Variants in DIP2B observed in about 807,000 individuals in gnomAD.
DIP2B encodes disco-interacting protein 2 homolog B.
In DIP2B, 76 loss-of-function variants were observed where a neutral mutation model predicts 198.0. The observed-to-expected ratio is 0.38, with a 90% CI of 0.32 to 0.46. DIP2B has a LOEUF of 0.46. DIP2B is among the 20% of genes least tolerant of loss of function. DIP2B has a pLI of 0.99. For missense variants in DIP2B, 1,559 were observed against 1,978.4 expected, an observed-to-expected ratio of 0.79 and a Z score of 4.02; for synonymous variants, 701 against 739.1, an observed-to-expected ratio of 0.95 and a Z score of 0.84.
rs778938392 is a variant in DIP2B, at chr12:50,675,463, A to G, written c.916+15A>G. On this transcript the variant is annotated intron_variant, in intron 7 of 37. Coordinates refer to ENST00000301180, the MANE Select transcript of DIP2B (RefSeq NM_173602.3). ...AATTGTGGAAGGTAGTAGTAAAAAT[A>G]CCAAAAACATATATTCATTAAATAA... 2 of 1,611,124 alleles carry G rather than the reference A, an allele frequency of 1.2e-6. No homozygotes were observed. The highest frequency in any genetic ancestry group is 2.2e-5 in the East Asian group (1 of 44,762).
At chr12:50,540,049 C>CTG in intron 1 of DIP2B, among the ~76,000 whole-genome samples, 2 of 20,296 alleles carry the variant, frequency 9.9e-5, no homozygotes, top group Non-Finnish European at 9.8e-5. Context: ...TTAGTTGTTT[C>CTG]TGTGTTTTTT....
chr12:50,655,991 C>G (rs1214678865), intron 3 of DIP2B, among the ~76,000 whole-genome samples: 1 of 151,840 alleles, frequency 6.6e-6, no homozygotes, highest in Non-Finnish European at 1.5e-5. Flanking sequence ...AAAAAATAAA[C>G]AATTTTTAAA....
chr12:50,540,865 A>G (rs911513490), intron 1 of DIP2B, among the ~76,000 whole-genome samples: 3 of 151,994 alleles, frequency 2.0e-5, no homozygotes, highest in Non-Finnish European at 2.9e-5. Context: ...ATAGTTATTC[A>G]TATTAAAAAT....
rs1565835033 is a variant in DIP2B at position 50,588,813 on chromosome 12, CT to C, written c.101-37162del. 3.9e-5 allele frequency among the ~76,000 whole-genome samples: 6 copies of C among 152,254 alleles called. No individual in the cohort carries two copies. In the South Asian group the frequency reaches 6.2e-4, roughly 16 times the overall value. Reference sequence around the variant, plus strand: ...ATGAAGTGACATGTAAGAGAAAAATCTCTTAATTTCCAGAATTTATATTTGC... The same window carrying C: ...ATGAAGTGACATGTAAGAGAAAAATCCTTAATTTCCAGAATTTATATTTGC... On this transcript the variant is annotated intron_variant, in intron 1 of 37. Transcript: ENST00000301180.
intron 1 of DIP2B, among the ~76,000 whole-genome samples, chr12:50,527,925 C>T: frequency 6.9e-6 from 1 of 145,714 alleles, no homozygotes; most frequent in African/African-American, 2.5e-5. Flanking sequence ...ATGGAAATTC[C>T]TTCTGTTTTT....
At chr12:50,608,956 A>G (rs1959008150) in intron 1 of DIP2B, among the ~76,000 whole-genome samples, 1 of 152,136 alleles carries the variant, frequency 6.6e-6, no homozygotes, top group Admixed American at 6.5e-5. Flanking sequence ...AGCCTGGCCA[A>G]TATGGTGAAA....
At chr12:50,571,550 T>A (rs1958614249) in intron 1 of DIP2B, among the ~76,000 whole-genome samples, 1 of 58,048 alleles carries the variant, frequency 1.7e-5, no homozygotes, top group African/African-American at 1.0e-4. Context: ...ACCTAGGCGT[T>A]TTTTTTTTTT....
chr12:50,740,440 G>A (rs1308695029), intron 36 of DIP2B, among the ~76,000 whole-genome samples: 1 of 152,134 alleles, frequency 6.6e-6, no homozygotes, highest in East Asian at 1.9e-4. Context: ...TGTGTTTCTT[G>A]CCTCATGGAA....
intron 1 of DIP2B, among the ~76,000 whole-genome samples, chr12:50,591,574 A>G (rs984793802): frequency 2.6e-5 from 4 of 151,230 alleles, no homozygotes; most frequent in African/African-American, 9.7e-5. Context: ...AGTGTATCCT[A>G]CAAGCACTTG....
chr12:50,524,803 AC>A (rs1315644935), intron 1 of DIP2B, among the ~76,000 whole-genome samples: 3 of 151,980 alleles, frequency 2.0e-5, no homozygotes, highest in Non-Finnish European at 2.9e-5. Flanking sequence ...TCATGGCTCA[AC>A]TGCAGCTTCC....
chr12:50,668,775 G>C (rs963598319), intron 4 of DIP2B, among the ~76,000 whole-genome samples: 1 of 152,130 alleles, frequency 6.6e-6, no homozygotes. Context: ...ACCTATCCTA[G>C]GGGCCCTATC....
At position 50,614,870 on chromosome 12, in the gene DIP2B, G is replaced by T. The variant is rs544773748; in HGVS notation, c.101-11106G>T. ...GGCAGTGGCAGTATTCTCCTTACTT[G>T]TGTTTTTCCCTGTCCATCTTTGGTT... On this transcript the variant is annotated intron_variant, in intron 1 of 37. Coordinates refer to ENST00000301180, the MANE Select transcript of DIP2B (RefSeq NM_173602.3). 2.6e-5 allele frequency among the ~76,000 whole-genome samples: 4 copies of T among 152,250 alleles called. No homozygotes were observed. The South Asian group carries it at 8.3e-4, about 32-fold the overall frequency.
chr12:50,525,187 C>T (rs1260220026), intron 1 of DIP2B, among the ~76,000 whole-genome samples: 7 of 152,010 alleles, frequency 4.6e-5, no homozygotes, highest in Non-Finnish European at 7.4e-5. Context: ...GAAACCCCAT[C>T]TCTACTAAAA....
At chr12:50,731,335 TTGA>T in intron 30 of DIP2B, 31 bp from the exon 31 acceptor site, 4 of 1,602,264 alleles carry the variant, frequency 2.5e-6, no homozygotes, top group South Asian at 1.1e-5. Context: ...CCAGGATGAA[TTGA>T]TGATTCCAGC....
At chr12:50,721,960 G>GTTGAAGGGGTGTGAGTT (rs138638717) in intron 26 of DIP2B, among the ~76,000 whole-genome samples, 43,756 of 150,890 alleles carry the variant, frequency 0.29, 6,641 homozygotes, top group East Asian at 0.43. Context: ...CTTAGATGTT[G>GTTGAAGGGGTGTGAGTT]TTGAAGGGGT....
At chr12:50,563,399 C>T (rs1958536536) in intron 1 of DIP2B, among the ~76,000 whole-genome samples, 1 of 151,068 alleles carries the variant, frequency 6.6e-6, no homozygotes, top group African/African-American at 2.4e-5. Flanking sequence ...ATTGCCCAGG[C>T]TGGTCTTGAA....
chr12:50,578,531 G>T (rs1168335137), intron 1 of DIP2B, among the ~76,000 whole-genome samples: 2 of 122,106 alleles, frequency 1.6e-5, no homozygotes, highest in East Asian at 4.6e-4. Context: ...TTTTTGAGAC[G>T]GAGTCTCGCT....
chr12:50,742,901 A>C (rs1940278690), intron 37 of DIP2B, among the ~76,000 whole-genome samples: 1 of 152,094 alleles, frequency 6.6e-6, no homozygotes, highest in African/African-American at 2.4e-5. Flanking sequence ...GTCTCAAAAA[A>C]AAAAAAGATG....
At chr12:50,508,596 A>C (rs1957987496) in intron 1 of DIP2B, among the ~76,000 whole-genome samples, 1 of 152,204 alleles carries the variant, frequency 6.6e-6, no homozygotes, top group South Asian at 2.1e-4. Context: ...AAAGCTGCAT[A>C]CCTAATAAGT....
Sources: allele counts gnomAD v4.1 joint callset (sites outside exome capture counted in the v4.1 genomes callset), GRCh38; gene constraint gnomAD v4.1.1; transcripts MANE v1.5; gene names NCBI Gene and HGNC (gene_info 2026-07-23, HGNC 2026-07-21).